RBPMS: variants seen among roughly 807,000 people sequenced by gnomAD.
RBPMS encodes the protein RNA binding protein, mRNA processing factor, also known as RNA-binding protein with multiple splicing.
RBPMS carries 7 observed loss-of-function variants against 26.8 expected under a neutral mutation model. The observed-to-expected ratio is 0.26, with a 90% confidence interval of 0.15 to 0.49. RBPMS has a LOEUF of 0.49. Ranked by LOEUF, RBPMS falls within the 20% of genes least tolerant of loss-of-function variation. The pLI is 0.98. For synonymous variants in RBPMS, 96 were observed against 93.3 expected, an observed-to-expected ratio of 1.03 and a Z score of -0.17; for missense variants, 186 against 250.0, an observed-to-expected ratio of 0.74 and a Z score of 1.73.
intron 1 of RBPMS, among the ~76,000 whole-genome samples, chr8:30,431,595 C>T (rs921683794): frequency 6.6e-6 from 1 of 151,840 alleles, no homozygotes; most frequent in Non-Finnish European, 1.5e-5. Flanking sequence ...GGGCTACAGG[C>T]GTGCACCACC....
chr8:30,413,681 C>T (rs545753773), intron 1 of RBPMS, among the ~76,000 whole-genome samples: 48 of 152,098 alleles, frequency 3.2e-4, no homozygotes, highest in Middle Eastern at 3.4e-3. Flanking sequence ...GGCATGATCT[C>T]GGCTCAGTGC....
At chr8:30,518,687 C>T (rs1439615140) in intron 5 of RBPMS, among the ~76,000 whole-genome samples, 74 of 18,212 alleles carry the variant, frequency 4.1e-3, no homozygotes, top group South Asian at 0.016. Flanking sequence ...CCAAGCATGA[C>T]TTTTTTTTTT....
chr8:30,529,906 AC>A (rs1158751445), intron 5 of RBPMS, among the ~76,000 whole-genome samples: 2 of 151,898 alleles, frequency 1.3e-5, no homozygotes, highest in Non-Finnish European at 2.9e-5. Context: ...GGCATGTGTC[AC>A]CACGCCTGGC....
chr8:30,516,529 T>C (rs1008671890), intron 5 of RBPMS, among the ~76,000 whole-genome samples: 7 of 152,212 alleles, frequency 4.6e-5, no homozygotes, highest in Middle Eastern at 3.2e-3. Flanking sequence ...GCCGTTCATA[T>C]AGTACCTCCT....
In RBPMS at chr8:30,456,181, G is replaced by GT. The variant is rs200466189; in HGVS notation, c.67-18592dup. 6.4e-4 allele frequency among the ~76,000 whole-genome samples: 98 copies of GT among 152,276 alleles called. No individual in the cohort carries two copies. The East Asian group carries it at 0.011, about 18-fold the overall frequency. ...GTTATATATTTATCTGATATTTGTT[G>GT]TTTTTTAGCGTTTCTAGTTTTTGTC... On this transcript the variant is annotated intron_variant, in intron 1 of 8. Transcript: ENST00000397323.
chr8:30,520,281 C>T (rs745600613), intron 5 of RBPMS, among the ~76,000 whole-genome samples: 3 of 152,132 alleles, frequency 2.0e-5, no homozygotes, highest in African/African-American at 2.4e-5. Context: ...GCAAATTTTC[C>T]GCCTAAGACA....
chr8:30,428,437 T>C (rs891779583), intron 1 of RBPMS, among the ~76,000 whole-genome samples: 8 of 151,616 alleles, frequency 5.3e-5, no homozygotes, highest in Admixed American at 4.6e-4. Flanking sequence ...GCCTGGGCAA[T>C]AGATCAAGAC....
rs116540835 is a variant in RBPMS at position 30,430,653 on chromosome 8, G to A, written c.67-44126G>A. Among the ~76,000 whole-genome samples, 466 of 152,230 alleles carry A rather than the reference G, an allele frequency of 3.1e-3. 1 individual carries two copies. Among genetic ancestry groups the A allele is most frequent in the African/African-American group, 0.01 (419 of 41,538 alleles). ...GCTATCTCACTTATTTGTTGGCTGT[G>A]GTAGAGTAATCATTGTGGCAATCAT... On this transcript the variant is annotated intron_variant, in intron 1 of 8. Transcript: ENST00000397323.
chr8:30,511,912 C>A (rs1419673162), intron 5 of RBPMS, among the ~76,000 whole-genome samples: 3 of 152,088 alleles, frequency 2.0e-5, no homozygotes, highest in Non-Finnish European at 4.4e-5. Flanking sequence ...GAAGTTGAAC[C>A]ACCAGATCGT....
rs775790893 is a variant in RBPMS at position 30,486,467 on chromosome 8, C to CAAA, written c.246+7104_246+7106dup. Among the ~76,000 whole-genome samples the CAAA allele has an allele frequency of 1.1e-3, 136 of 123,568 alleles. 1 individual carries two copies. The East Asian group carries it at 0.021, about 19-fold the overall frequency. 81.1% of individuals were successfully genotyped at this position (123,568 alleles called of 152,430 possible). On this transcript the variant is annotated intron_variant, in intron 4 of 8. Coordinates refer to ENST00000397323, the MANE Select transcript of RBPMS (RefSeq NM_001008710.3). Reference sequence around the variant, plus strand: ...TGAAACCCCGTCTCTACTAAAAGTACAAAAAAAAAAAAAAAATTAGCTGGG... The same window carrying CAAA: ...TGAAACCCCGTCTCTACTAAAAGTACAAAAAAAAAAAAAAAAAAATTAGCTGGG...
intron 1 of RBPMS, among the ~76,000 whole-genome samples, chr8:30,422,293 T>C (rs1810885130): frequency 6.6e-6 from 1 of 151,976 alleles, no homozygotes; most frequent in South Asian, 2.1e-4. Context: ...TTTTGTATTT[T>C]TAATTTAGAT....
At chr8:30,468,406 T>C (rs1816745382) in intron 1 of RBPMS, among the ~76,000 whole-genome samples, 1 of 152,142 alleles carries the variant, frequency 6.6e-6, no homozygotes, top group South Asian at 2.1e-4. Context: ...GTTTTTATCC[T>C]ACTTCCCTTT....
chr8:30,468,370 T>TA (rs1227323428), intron 1 of RBPMS, among the ~76,000 whole-genome samples: 1 of 152,148 alleles, frequency 6.6e-6, no homozygotes, highest in East Asian at 1.9e-4. Context: ...GTCTATCTCT[T>TA]ACATTTTTCT....
At chr8:30,494,107 T>C (rs1211199209) in intron 4 of RBPMS, among the ~76,000 whole-genome samples, 1 of 152,136 alleles carries the variant, frequency 6.6e-6, no homozygotes, top group East Asian at 1.9e-4. Flanking sequence ...GCCTCTAAGA[T>C]CTACTCAGAC....
At chr8:30,455,854 C>T (rs1815141960) in intron 1 of RBPMS, among the ~76,000 whole-genome samples, 1 of 152,122 alleles carries the variant, frequency 6.6e-6, no homozygotes, top group South Asian at 2.1e-4. Context: ...CACGCCACTG[C>T]ACTCGAGCCT....
At chr8:30,554,035 C>T (rs947934875) in intron 6 of RBPMS, among the ~76,000 whole-genome samples, 1 of 152,206 alleles carries the variant, frequency 6.6e-6, no homozygotes, top group African/African-American at 2.4e-5. Context: ...CTCAGCCTCC[C>T]GAAGTGCTGG....
chr8:30,437,148 C>G (rs1319081914), intron 1 of RBPMS, among the ~76,000 whole-genome samples: 3 of 151,648 alleles, frequency 2.0e-5, no homozygotes, highest in Admixed American at 6.6e-5. Flanking sequence ...GTCTTGATCT[C>G]CTGACCTCAT....
chr8:30,483,974 T>C (rs755576099), intron 4 of RBPMS, among the ~76,000 whole-genome samples: 3 of 152,208 alleles, frequency 2.0e-5, no homozygotes, highest in African/African-American at 4.8e-5. Flanking sequence ...ATATGTACAT[T>C]TTGTTTATCC....
chr8:30,477,222 T>A (rs1161555323), intron 2 of RBPMS, among the ~76,000 whole-genome samples: 1 of 152,068 alleles, frequency 6.6e-6, no homozygotes, highest in Non-Finnish European at 1.5e-5. Context: ...TCGGCTAATT[T>A]TTTTGTATTT....
Sources: gnomAD v4.1 joint callset for allele counts (sites outside exome capture counted in the v4.1 genomes callset) on GRCh38, gnomAD v4.1.1 for gene constraint, MANE v1.5 for transcripts, NCBI Gene and HGNC (gene_info 2026-07-23, HGNC 2026-07-21) for gene names.